Variants in GPR158 observed in about 807,000 individuals in gnomAD.
GPR158 encodes metabotropic glycine receptor.
GPR158 carries 30 observed loss-of-function variants against 78.2 expected under a neutral mutation model. The ratio of observed to expected loss-of-function variants is 0.38; its 90% CI spans 0.29 to 0.52. The LOEUF is 0.52. GPR158 is among the 20% of genes least tolerant of loss of function. The pLI is 0.83. For missense variants in GPR158, 1,463 were observed against 1,523.5 expected (o/e 0.96, Z 0.66); for synonymous variants, 581 against 591.1 (o/e 0.98, Z 0.25).
chr10:25,582,586 A>C (rs917701542), intron 7 of GPR158, among the ~76,000 whole-genome samples: 1 of 152,114 alleles, frequency 6.6e-6, no homozygotes, highest in Admixed American at 6.5e-5. Context: ...GTGGTAAGAG[A>C]ATAAAGTAAT....
intron 1 of GPR158, among the ~76,000 whole-genome samples, chr10:25,177,077 A>G (rs369208217): frequency 8.5e-5 from 13 of 152,154 alleles, no homozygotes; most frequent in South Asian, 6.2e-4. Flanking sequence ...CACATGATTT[A>G]TAAAAGGACC....
intron 5 of GPR158, among the ~76,000 whole-genome samples, chr10:25,548,329 G>C (rs1836689677): frequency 6.6e-6 from 1 of 152,070 alleles, no homozygotes; most frequent in Admixed American, 6.6e-5. Flanking sequence ...TCAAAAGAAG[G>C]GGTGGCTGGG....
At chr10:25,546,551 A>G (rs558937864) in intron 5 of GPR158, among the ~76,000 whole-genome samples, 21 of 152,304 alleles carry the variant, frequency 1.4e-4, no homozygotes, top group Non-Finnish European at 2.9e-4. Context: ...CCATGAATGA[A>G]TGAATTCTCC....
intron 5 of GPR158, among the ~76,000 whole-genome samples, chr10:25,530,059 C>T (rs756836236): frequency 6.6e-5 from 10 of 152,126 alleles, no homozygotes; most frequent in Non-Finnish European, 1.2e-4. Context: ...CTCCTCAGCC[C>T]TTCTGCTTCT....
intron 2 of GPR158, among the ~76,000 whole-genome samples, chr10:25,252,083 C>T (rs899386631): frequency 1.1e-4 from 17 of 152,246 alleles, no homozygotes; most frequent in African/African-American, 3.1e-4. Flanking sequence ...ATTGCTGACA[C>T]CCTTTCTTCC....
At chr10:25,403,673 G>A (rs982648887) in intron 3 of GPR158, among the ~76,000 whole-genome samples, 1 of 151,950 alleles carries the variant, frequency 6.6e-6, no homozygotes, top group African/African-American at 2.4e-5. Context: ...TTGCCCATAG[G>A]TGCCAAAGTC....
chr10:25,359,079 T>C (rs886895590), intron 2 of GPR158, among the ~76,000 whole-genome samples: 1 of 152,064 alleles, frequency 6.6e-6, no homozygotes, highest in African/African-American at 2.4e-5. Context: ...CTTGTTATCA[T>C]TGATAAATTT....
At chr10:25,309,355 T>C (rs1031426120) in intron 2 of GPR158, among the ~76,000 whole-genome samples, 1 of 152,084 alleles carries the variant, frequency 6.6e-6, no homozygotes, top group Non-Finnish European at 1.5e-5. Context: ...GTATATCTTC[T>C]TTAGCAAAAT....
At chr10:25,309,028 T>C (rs116667224) in intron 2 of GPR158, among the ~76,000 whole-genome samples, 3,670 of 152,322 alleles carry the variant, frequency 0.024, 125 homozygotes, top group African/African-American at 0.073. Context: ...TGTACAGATA[T>C]TTCTTTATGA....
At chr10:25,200,033 T>A (rs1272006553) in intron 1 of GPR158, among the ~76,000 whole-genome samples, 1 of 152,168 alleles carries the variant, frequency 6.6e-6, no homozygotes, top group African/African-American at 2.4e-5. Flanking sequence ...ATATTCCCAA[T>A]AATGGGACTG....
At chr10:25,336,909 C>G (rs981819981) in intron 2 of GPR158, among the ~76,000 whole-genome samples, 2 of 152,086 alleles carry the variant, frequency 1.3e-5, no homozygotes, top group African/African-American at 2.4e-5. Flanking sequence ...TTGTGTCAGT[C>G]AGCCTTTTCT....
chr10:25,255,843 C>G (rs1417887375), intron 2 of GPR158, among the ~76,000 whole-genome samples: 1 of 152,218 alleles, frequency 6.6e-6, no homozygotes, highest in African/African-American at 2.4e-5. Context: ...ATTCCTTCAT[C>G]TTTGTCGGGT....
chr10:25,296,257 G>T (rs1049159178), intron 2 of GPR158, among the ~76,000 whole-genome samples: 2 of 152,042 alleles, frequency 1.3e-5, no homozygotes, highest in African/African-American at 4.8e-5. Flanking sequence ...TCCTGGGTGA[G>T]GCAACTCTCC....
At chr10:25,398,388 G>A (rs1031955918) in intron 3 of GPR158, among the ~76,000 whole-genome samples, 7 of 152,094 alleles carry the variant, frequency 4.6e-5, no homozygotes, top group East Asian at 1.9e-4. Flanking sequence ...CATTTTTCAC[G>A]TTTATGGTCC....
chr10:25,479,486 C>G (rs1334788217), intron 5 of GPR158, among the ~76,000 whole-genome samples: 1 of 152,068 alleles, frequency 6.6e-6, no homozygotes, highest in Non-Finnish European at 1.5e-5. Flanking sequence ...TGCGATCTTG[C>G]TCACTGCAAC....
intron 5 of GPR158, among the ~76,000 whole-genome samples, chr10:25,473,102 A>G (rs1159137810): frequency 2.0e-5 from 3 of 151,978 alleles, no homozygotes; most frequent in Non-Finnish European, 4.4e-5. Flanking sequence ...TGTCATAGAT[A>G]GCTCTTATTA....
intron 7 of GPR158, among the ~76,000 whole-genome samples, chr10:25,587,187 T>A (rs1349216504): frequency 6.6e-6 from 1 of 152,200 alleles, no homozygotes; most frequent in Non-Finnish European, 1.5e-5. Flanking sequence ...ATCTGGTAAG[T>A]TTCAGCTCCT....
chr10:25,353,045 A>G (rs970038698), intron 2 of GPR158, among the ~76,000 whole-genome samples: 1 of 152,076 alleles, frequency 6.6e-6, no homozygotes, highest in African/African-American at 2.4e-5. Context: ...TGGTATCCTT[A>G]ATATTACAGT....
chr10:25,274,972 A>T (rs1224230167), intron 2 of GPR158, among the ~76,000 whole-genome samples: 4 of 152,144 alleles, frequency 2.6e-5, no homozygotes, highest in African/African-American at 9.7e-5. Flanking sequence ...ATTAATAGAA[A>T]TGTTTCCTTA....
Sources: allele counts gnomAD v4.1 joint callset (sites outside exome capture counted in the v4.1 genomes callset), GRCh38; gene constraint gnomAD v4.1.1; transcripts MANE v1.5; gene names NCBI Gene and HGNC (gene_info 2026-07-23, HGNC 2026-07-21).